The following RAD54B variants were observed in gnomAD, a reference collection of about 807,000 sequenced individuals.
RAD54B encodes RAD54 homolog B.
A neutral mutation model predicts 95.8 loss-of-function variants in RAD54B; 78 were observed. That is an observed-to-expected ratio of 0.81 (90% confidence interval 0.68 to 0.98). The LOEUF (loss-of-function observed/expected upper bound fraction) is 0.98, where lower values mean the gene tolerates loss of function less well. Ranked by LOEUF, RAD54B falls within the 50% of genes least tolerant of loss-of-function variation. The probability of loss-of-function intolerance (pLI) is 0.00; values close to 1 mark genes in which losing one functional copy is unlikely to be tolerated. For synonymous variants in RAD54B, 328 were observed against 354.9 expected, an observed-to-expected ratio of 0.92 and a Z score of 0.85; for missense variants, 957 against 1,056.6, an observed-to-expected ratio of 0.91 and a Z score of 1.31.
At chr8:94,409,000 G>GT (rs1386094301) in intron 4 of RAD54B, among the ~76,000 whole-genome samples, 167 of 144,588 alleles carry the variant, frequency 1.2e-3, no homozygotes, top group East Asian at 7.4e-3. Flanking sequence ...TCACATACTG[G>GT]TTTTTTTTTT....
intron 3 of RAD54B, chr8:94,429,785 A>G (rs1278168910): frequency 5.1e-6 from 5 of 985,348 alleles, no homozygotes; most frequent in Non-Finnish European, 6.0e-6. Flanking sequence ...ACCAGCTATA[A>G]AACACCCTCT....
At chr8:94,377,545 GAAAAAAAAAAAAAAAAAAAA>G (rs71273330) in intron 14 of RAD54B, among the ~76,000 whole-genome samples, 307 of 70,578 alleles carry the variant, frequency 4.3e-3, no homozygotes, top group African/African-American at 0.018. Context: ...CCCTGTCTTG[GAAAAAAAAAAAAAAAAAAAA>G]AAAAAAAAAA....
At chr8:94,431,042 T>C (rs887245335) in intron 3 of RAD54B, 7 of 985,378 alleles carry the variant, frequency 7.1e-6, no homozygotes, top group Non-Finnish European at 8.4e-6. Context: ...CACCCCATTC[T>C]ACAACTTGGC....
intron 6 of RAD54B, among the ~76,000 whole-genome samples, chr8:94,403,790 T>C (rs371299792): frequency 2.1e-4 from 32 of 152,178 alleles, no homozygotes; most frequent in Non-Finnish European, 1.0e-4. Context: ...TTAAGGTCAA[T>C]TGCATTTATC....
chr8:94,442,382 C>CT (rs1812417889), intron 3 of RAD54B, among the ~76,000 whole-genome samples: 1 of 152,004 alleles, frequency 6.6e-6, no homozygotes, highest in Admixed American at 6.5e-5. Context: ...ACCATCCTGG[C>CT]TAACATGGTG....
chr8:94,432,673 A>T, intron 3 of RAD54B: 1 of 1,470,954 alleles, frequency 6.8e-7, no homozygotes, highest in South Asian at 1.5e-5. Context: ...CACACAAAAA[A>T]GCATTATAAT....
chr8:94,398,362 G>C (rs1240813365), intron 8 of RAD54B, among the ~76,000 whole-genome samples: 7 of 152,002 alleles, frequency 4.6e-5, no homozygotes, highest in Admixed American at 4.6e-4. Flanking sequence ...CTTAAAGGTG[G>C]ATAGTCTTCC....
In RAD54B at chr8:94,378,550, A is replaced by C; in HGVS notation, c.2314+18T>G. On this transcript the variant is annotated intron_variant, in intron 13 of 14. Coordinates refer to ENST00000336148, the MANE Select transcript of RAD54B (RefSeq NM_012415.3). ...TATTCAAAGAGTATACATTTTTGTC[A>C]CACTGAAGGGTTGTTACCTGTAGTT... is the stretch of plus-strand genomic sequence containing the variant. 6.3e-7 allele frequency: 1 copy of C among 1,576,624 alleles called. No homozygotes were observed. The highest frequency in any genetic ancestry group is 1.2e-5 in the South Asian group (1 of 85,784).
At chr8:94,380,495 C>T in intron 11 of RAD54B, 89 bp from the exon 12 acceptor site, 1 of 1,276,784 alleles carries the variant, frequency 7.8e-7, no homozygotes, top group South Asian at 1.5e-5. Flanking sequence ...ATAATATTAT[C>T]ACTGACATTG....
intron 3 of RAD54B, among the ~76,000 whole-genome samples, chr8:94,439,118 A>C (rs926319801): frequency 1.3e-5 from 2 of 152,170 alleles, no homozygotes; most frequent in Non-Finnish European, 2.9e-5. Flanking sequence ...GAAGACTCCA[A>C]GAGTGGAAAA....
chr8:94,459,588 AGTGGCTCACGCCT>A (rs1189332528), intron 2 of RAD54B, among the ~76,000 whole-genome samples: 1 of 152,024 alleles, frequency 6.6e-6, no homozygotes, highest in Non-Finnish European at 1.5e-5. Flanking sequence ...GGCCGGGCGC[AGTGGCTCACGCCT>A]GTAATCCCAG....
Position 94,380,306 on chromosome 8 carries a change from T to C in RAD54B, c.2086A>G (p.Ile696Val), listed in dbSNP as rs759103066. The C allele has an allele frequency of 2.3e-5, 37 of 1,613,978 alleles. No homozygotes were observed. Among genetic ancestry groups the C allele is most frequent in the Admixed American group, 3.3e-5 (2 of 60,004 alleles). The change falls in exon 12 of 15, where the codon ATC (isoleucine) becomes GTC (valine). Residue 696 changes from isoleucine to valine, a missense_variant. Coordinates refer to ENST00000336148, the MANE Select transcript of RAD54B (RefSeq NM_012415.3). ...TCAACAATCTGCTGCCTTTGAGAGA[T>C]TGGTGTTTGTCCATCAAGTCTTGTA... ...AYTRLDGQTP[I>V]SQRQQIVDGF... is the part of the protein sequence containing the mutation.
Position 94,387,112 on chromosome 8 carries a change from T to C in RAD54B, c.1857A>G (p.Leu619=), listed in dbSNP as rs1215846574. 1 of 1,608,080 alleles carries C rather than the reference T, an allele frequency of 6.2e-7. No individual in the cohort carries two copies. The highest frequency in any genetic ancestry group is 8.5e-7 in the Non-Finnish European group (1 of 1,177,864). ...STCDKNEEKS[L]YKGLLSVFPA... ...GAAACACACTTAGCAAGCCTTTGTA[T>C]AGACTCTTTTCTTCATTTTTATCAC... Residue 619 remains leucine (L), a synonymous_variant, in exon 11 of 15, where the codon CTA becomes CTG. Transcript: ENST00000336148.
chr8:94,382,938 C>A (rs1331041945), intron 11 of RAD54B, among the ~76,000 whole-genome samples: 1 of 152,114 alleles, frequency 6.6e-6, no homozygotes, highest in Non-Finnish European at 1.5e-5. Flanking sequence ...TTATAAATTA[C>A]CCAGTCTCAG....
At chr8:94,420,809 AC>A (rs1252492526) in intron 3 of RAD54B, among the ~76,000 whole-genome samples, 1 of 151,422 alleles carries the variant, frequency 6.6e-6, no homozygotes, top group Non-Finnish European at 1.5e-5. Context: ...ACATGGTGAA[AC>A]CCCGTCTCTA....
intron 11 of RAD54B, among the ~76,000 whole-genome samples, chr8:94,383,719 C>T (rs1810797379): frequency 6.8e-6 from 1 of 146,354 alleles, no homozygotes; most frequent in Non-Finnish European, 1.5e-5. Context: ...GAAGGTATTC[C>T]CAAGGATAAG....
At chr8:94,418,043 T>G (rs1342513824) in intron 3 of RAD54B, among the ~76,000 whole-genome samples, 1 of 152,218 alleles carries the variant, frequency 6.6e-6, no homozygotes, top group East Asian at 1.9e-4. Flanking sequence ...TTTTCTGACC[T>G]TCCTTCCCTA....
Position 94,394,110 on chromosome 8 carries a change from G to A in RAD54B, c.1379-228C>T, listed in dbSNP as rs552246626. On this transcript the variant is annotated intron_variant, in intron 8 of 14. Transcript: ENST00000336148. ...TAATTGCATACTAAGTTCTTACATA[G>A]TAGTATAGCATAGAGACTGAGTGCA... is the stretch of plus-strand genomic sequence containing the variant. Among the ~76,000 whole-genome samples the A allele has an allele frequency of 1.6e-3, 237 of 152,278 alleles. 4 individuals carry two copies. Among genetic ancestry groups the A allele is most frequent in the Non-Finnish European group, 6.9e-4 (47 of 68,032 alleles).
chr8:94,420,422 A>AT (rs986545039), intron 3 of RAD54B, among the ~76,000 whole-genome samples: 15 of 148,498 alleles, frequency 1.0e-4, no homozygotes, highest in South Asian at 2.2e-4. Context: ...AGCCCGGCTA[A>AT]TTTTTTTTTT....
Sources: gnomAD v4.1 joint callset for allele counts (sites outside exome capture counted in the v4.1 genomes callset) on GRCh38, gnomAD v4.1.1 for gene constraint, MANE v1.5 for transcripts, NCBI Gene and HGNC (gene_info 2026-07-23, HGNC 2026-07-21) for gene names.